The following TG variants were observed in gnomAD, a reference collection of about 807,000 sequenced individuals.
The protein encoded by TG is thyroid hormones.
TG carries 270 observed loss-of-function variants against 324.7 expected under a neutral mutation model. That is an observed-to-expected ratio of 0.83 (90% CI 0.75 to 0.92). The LOEUF is 0.92. Among genes scored for constraint, TG ranks in the 40% least tolerant of loss-of-function variants. The pLI is 0.00. For missense variants in TG, 3,591 were observed against 3,456.4 expected, an observed-to-expected ratio of 1.04 and a Z score of -0.98; for synonymous variants, 1,401 against 1,327.0, an observed-to-expected ratio of 1.06 and a Z score of -1.21.
Position 132,925,210 on chromosome 8 carries a change from C to A in TG, c.4699+1702C>A, listed in dbSNP as rs568550689. Reference sequence around the variant, plus strand: ...GAAACTGAGGCAAAGAATGTCCAAGCACTTCTCTTGGTTCCATAGTTAGGA... The same window carrying A: ...GAAACTGAGGCAAAGAATGTCCAAGAACTTCTCTTGGTTCCATAGTTAGGA... On this transcript the variant is annotated intron_variant, in intron 22 of 47. Transcript: ENST00000220616. Among the ~76,000 whole-genome samples, 214 of 152,308 alleles carry A rather than the reference C, an allele frequency of 1.4e-3. 1 individual carries two copies. Among genetic ancestry groups the A allele is most frequent in the African/African-American group, 5.1e-3 (211 of 41,570 alleles).
intron 37 of TG, among the ~76,000 whole-genome samples, chr8:133,014,972 GC>G (rs1238851737): frequency 6.6e-6 from 1 of 152,094 alleles, no homozygotes; most frequent in Non-Finnish European, 1.5e-5. Context: ...TGCAACCTCT[GC>G]CCCCCGGGTT....
At chr8:132,954,202 C>T (rs961494799) in intron 27 of TG, among the ~76,000 whole-genome samples, 8 of 152,014 alleles carry the variant, frequency 5.3e-5, no homozygotes, top group African/African-American at 9.7e-5. Context: ...TGCAATCAGA[C>T]GCATCTAGAT....
In TG at chr8:132,871,258, C is replaced by A; in HGVS notation, c.275-90C>A. ...CGGGTCATTCCCCTCTCAGCTGTGT[C>A]CCCTTGGGAAGGGAGCATGAGTTTT... On this transcript the variant is annotated intron_variant, in intron 3 of 47. Coordinates refer to ENST00000220616, the MANE Select transcript of TG (RefSeq NM_003235.5). 3.6e-6 allele frequency: 5 copies of A among 1,370,974 alleles called. No individual in the cohort carries two copies. The East Asian group carries it at 1.1e-4, about 31-fold the overall frequency. The allele number at this position is 1,370,974 out of a possible 1,614,324, so 84.9% of individuals were successfully genotyped here.
Position 133,060,993 on chromosome 8 carries a change from CG to C in TG, c.7239+30973del, listed in dbSNP as rs201534907. Among the ~76,000 whole-genome samples the C allele has an allele frequency of 3.2e-3, 482 of 152,290 alleles. 5 individuals are homozygous for C. Among genetic ancestry groups the C allele is most frequent in the African/African-American group, 0.011 (453 of 41,562 alleles). On this transcript the variant is annotated intron_variant, in intron 41 of 47. Transcript: ENST00000220616. ...TGTGTACTTACAAGCTAGATGACTT[CG>C]GGCAAGTCATTAACCTTTTCTGTTT...
In TG at chr8:133,019,710, A is replaced by C. The variant is rs775717820; in HGVS notation, c.6876+15A>C. ...CTCAGAATGTGGTGAGTTCAAAAGC[A>C]CTTGCTATGGTTGCCCTGAAGACTG... On this transcript the variant is annotated intron_variant, in intron 39 of 47. Coordinates refer to ENST00000220616, the MANE Select transcript of TG (RefSeq NM_003235.5). 6.2e-7 allele frequency: 1 copy of C among 1,606,100 alleles called. No homozygotes were observed. Among genetic ancestry groups the C allele is most frequent in the Non-Finnish European group, 8.5e-7 (1 of 1,173,750 alleles).
At chr8:132,984,406 A>C (rs1831270657) in intron 35 of TG, among the ~76,000 whole-genome samples, 1 of 152,218 alleles carries the variant, frequency 6.6e-6, no homozygotes, top group South Asian at 2.1e-4. Context: ...CCTTCTATAG[A>C]AACTGTGTAT....
chr8:132,881,975 T>TGATACCCCTCAGGTGATC lies in TG; in HGVS notation c.745+7_745+24dup. 2.5e-6 allele frequency: 4 copies of TGATACCCCTCAGGTGATC among 1,593,998 alleles called. No individual in the cohort carries two copies. Among genetic ancestry groups the TGATACCCCTCAGGTGATC allele is most frequent in the Non-Finnish European group, 3.4e-6 (4 of 1,161,682 alleles). On this transcript the variant is annotated splice_region_variant and intron_variant, in intron 6 of 47. Coordinates refer to ENST00000220616, the MANE Select transcript of TG (RefSeq NM_003235.5). The stretch of plus-strand genomic sequence containing the variant: ...GCGGGAACTGGCTGAGACAGGTGAG[T>TGATACCCCTCAGGTGATC]GATACCCCTCAGGTGATCTGAAGGG...
chr8:133,105,067 AT>A (rs1849682520), intron 43 of TG, among the ~76,000 whole-genome samples: 1 of 152,178 alleles, frequency 6.6e-6, no homozygotes, highest in African/African-American at 2.4e-5. Flanking sequence ...TTGTGTATTC[AT>A]TCACTCATCC....
chr8:132,970,082 C>A (rs980517741), intron 32 of TG, among the ~76,000 whole-genome samples: 1 of 151,902 alleles, frequency 6.6e-6, no homozygotes, highest in Non-Finnish European at 1.5e-5. Context: ...AGCCACCGAG[C>A]ATTATTTAAT....
At chr8:132,958,899 T>C (rs1368193579) in intron 27 of TG, among the ~76,000 whole-genome samples, 1 of 152,144 alleles carries the variant, frequency 6.6e-6, no homozygotes. Flanking sequence ...AGGTCTCCTC[T>C]GCAGTGTGGA....
chr8:132,971,898 C>G, intron 33 of TG, 25 bp downstream of exon 33: 1 of 1,460,266 alleles, frequency 6.8e-7, no homozygotes, highest in Non-Finnish European at 9.6e-7. Context: ...AACTTCCTCT[C>G]CCCTGCGCAC....
At chr8:132,971,682 G>C in intron 32 of TG, 112 bp from the exon 33 acceptor site, 1 of 765,818 alleles carries the variant, frequency 1.3e-6, no homozygotes, top group Non-Finnish European at 2.4e-6. Flanking sequence ...TAAGTAGGGG[G>C]TAAAAAAATA....
chr8:133,047,321 C>G (rs947545067), intron 41 of TG: 1 of 154,160 alleles, frequency 6.5e-6, no homozygotes, highest in Admixed American at 6.5e-5. Context: ...GATTTAGTTA[C>G]GGAGCACAGA....
At chr8:132,890,787 G>A (rs1276409824) in intron 10 of TG, among the ~76,000 whole-genome samples, 1 of 152,252 alleles carries the variant, frequency 6.6e-6, no homozygotes, top group Non-Finnish European at 1.5e-5. Context: ...ACAATTGATA[G>A]TGAGTAACGA....
intron 18 of TG, 75 bp from the exon 19 acceptor site, chr8:132,911,302 G>C: frequency 6.2e-7 from 1 of 1,613,434 alleles, no homozygotes; most frequent in Non-Finnish European, 8.5e-7. Flanking sequence ...GCCAAGTTCT[G>C]GTTCCTGGTG....
intron 5 of TG, among the ~76,000 whole-genome samples, chr8:132,877,895 A>C (rs776120792): frequency 2.6e-5 from 4 of 152,312 alleles, no homozygotes; most frequent in Non-Finnish European, 4.4e-5. Flanking sequence ...GGTATTTTTC[A>C]ATTTTTAAAT....
intron 41 of TG, among the ~76,000 whole-genome samples, chr8:133,039,366 A>G (rs1293592553): frequency 6.6e-6 from 1 of 152,138 alleles, no homozygotes; most frequent in African/African-American, 2.4e-5. Flanking sequence ...TTTTAGTAAA[A>G]ATTAATTTTT....
chr8:133,118,577 G>A (rs1228452458), intron 45 of TG, among the ~76,000 whole-genome samples: 2 of 152,108 alleles, frequency 1.3e-5, no homozygotes, highest in Non-Finnish European at 2.9e-5. Context: ...GATCTGCCTC[G>A]GCTTCTCAGA....
Position 132,882,919 on chromosome 8 carries a change from C to A in TG, c.995C>A (p.Thr332Lys), listed in dbSNP as rs368205742. Reference protein sequence around the residue: ...NGDYQAVQCQTEGPCWCVDAQ... With the variant: ...NGDYQAVQCQKEGPCWCVDAQ... ...GACTATCAGGCGGTGCAGTGCCAGACGGAAGGGCCCTGCTGGTGTGTGGAC... is the reference window on the plus strand; with the variant it reads ...GACTATCAGGCGGTGCAGTGCCAGAAGGAAGGGCCCTGCTGGTGTGTGGAC... Residue 332 changes from threonine (T) to lysine (K), a missense_variant, in exon 8 of 48, where the codon ACG (threonine) becomes AAG (lysine). Coordinates refer to ENST00000220616, the MANE Select transcript of TG (RefSeq NM_003235.5). The A allele has an allele frequency of 6.2e-7, 1 of 1,614,178 alleles. No homozygotes were observed. The highest frequency in any genetic ancestry group is 8.5e-7 in the Non-Finnish European group (1 of 1,180,032).
Sources: allele counts gnomAD v4.1 joint callset (sites outside exome capture counted in the v4.1 genomes callset), GRCh38; gene constraint gnomAD v4.1.1; transcripts MANE v1.5; gene names NCBI Gene and HGNC (gene_info 2026-07-23, HGNC 2026-07-21).